Variants in SRC observed in about 807,000 individuals in gnomAD.
The protein encoded by SRC is proto-oncogene tyrosine-protein kinase Src.
A neutral mutation model predicts 62.9 loss-of-function variants in SRC; 13 were observed. The ratio of observed to expected loss-of-function variants is 0.21; its 90% CI spans 0.13 to 0.33. SRC has a LOEUF of 0.33. SRC is among the 10% of genes least tolerant of loss of function. The probability of loss-of-function intolerance (pLI) is 1.00; values close to 1 mark genes in which losing one functional copy is unlikely to be tolerated. For missense variants in SRC, 457 were observed against 737.3 expected (o/e 0.62, Z 4.40); for synonymous variants, 302 against 317.5 (o/e 0.95, Z 0.52).
chr20:37,362,695 G>A (rs576872620), intron 1 of SRC, among the ~76,000 whole-genome samples: 1 of 152,132 alleles, frequency 6.6e-6, no homozygotes, highest in Admixed American at 6.5e-5. Context: ...CCGTTACGGG[G>A]CGGCCTGGTG....
Position 37,396,071 on chromosome 20 carries a change from C to A in SRC, c.554-91C>A. The A allele has an allele frequency of 6.5e-7, 1 of 1,528,930 alleles. No homozygotes were observed. Among genetic ancestry groups the A allele is most frequent in the Non-Finnish European group, 8.8e-7 (1 of 1,136,644 alleles). The allele number at this position is 1,528,930 out of a possible 1,614,324, so 94.7% of individuals were successfully genotyped here. A position where few individuals can be genotyped will look rare whatever the true frequency, so the allele number is the denominator to read the frequency against. ...GGCCCCGCCTGGGCCTCCCTTCCCT[C>A]CAATGTCAGGCAGGCACAGAACGGT... On this transcript the variant is annotated intron_variant, in intron 7 of 13. Transcript: ENST00000373578. The surrounding 1 kb of genome is among the most constrained non-coding windows in gnomAD (Gnocchi z 6.1).
rs115118990 is a variant in SRC at position 37,405,133 on chromosome 20, T to C, written c.*1754T>C. 2.3e-3 allele frequency: 531 copies of C among 232,902 alleles called. 1 individual carries two copies. Among genetic ancestry groups the C allele is most frequent in the African/African-American group, 0.011 (496 of 45,392 alleles). The allele number at this position is 232,902 out of a possible 1,614,324, so 14.4% of individuals were successfully genotyped here. A position where few individuals can be genotyped will look rare whatever the true frequency, so the allele number is the denominator to read the frequency against. ...TCTTTATTACCCAAGTCTTCTCCCG[T>C]CCATTCCAGTCAAATCTGGGCTCAC... On this transcript the variant is annotated 3_prime_UTR_variant, in exon 14 of 14. Transcript: ENST00000373578.
At chr20:37,365,319 AACACACACACACACACACACACAC>A (rs56153701) in intron 2 of SRC, 42 bp downstream of exon 2, 6 of 130,864 alleles carry the variant, frequency 4.6e-5, no homozygotes, top group Admixed American at 7.8e-5. Context: ...AAAAGACATC[AACACACACACACACACACACACAC>A]ACACACACAC....
chr20:37,379,989 C>G (rs6018189), intron 2 of SRC, among the ~76,000 whole-genome samples: 1 of 145,206 alleles, frequency 6.9e-6, no homozygotes, highest in Admixed American at 6.9e-5. Context: ...AAGAAAAAGA[C>G]CGAGAGAGCT....
chr20:37,357,768 T>A (rs1196087083), intron 1 of SRC, among the ~76,000 whole-genome samples: 1 of 152,166 alleles, frequency 6.6e-6, no homozygotes, highest in Non-Finnish European at 1.5e-5. Flanking sequence ...AAACAGGTGG[T>A]CGAGCAAGGC....
At chr20:37,374,408 T>C (rs887327334) in intron 2 of SRC, among the ~76,000 whole-genome samples, 1 of 152,044 alleles carries the variant, frequency 6.6e-6, no homozygotes, top group Non-Finnish European at 1.5e-5. Flanking sequence ...CTTTCTTTCA[T>C]TTTATTTTCT....
intron 2 of SRC, among the ~76,000 whole-genome samples, chr20:37,376,025 G>T (rs566176401): frequency 5.3e-5 from 8 of 152,246 alleles, no homozygotes; most frequent in Admixed American, 3.3e-4. Flanking sequence ...CACCTCCCAA[G>T]GCCCACCTCC....
chr20:37,389,852 C>G (rs1023771375), intron 5 of SRC, among the ~76,000 whole-genome samples: 10 of 152,174 alleles, frequency 6.6e-5, no homozygotes, highest in African/African-American at 2.2e-4. Flanking sequence ...GGCCCTTCTT[C>G]TAGCCATGGG....
At chr20:37,365,392 T>C (rs2070047762) in intron 2 of SRC, 115 bp downstream of exon 2, 1 of 150,484 alleles carries the variant, frequency 6.6e-6, no homozygotes, top group African/African-American at 2.4e-5. Context: ...AGTAAGCCTC[T>C]CTCACACCCA....
chr20:37,384,417 C>T lies in SRC; in HGVS notation c.250+14C>T, dbSNP rs1253259295. On this transcript the variant is annotated intron_variant, in intron 4 of 13. Transcript: ENST00000373578. The surrounding 1 kb of genome is among the most constrained non-coding windows in gnomAD (Gnocchi z 6.7). ...GCCCGCTGGCCGGTCAGTGCGCGGG[C>T]GGCGCGGGGTCCTCGCCCACCTGGG... 11 of 1,351,464 alleles carry T rather than the reference C, an allele frequency of 8.1e-6. No individual in the cohort carries two copies. Among genetic ancestry groups the T allele is most frequent in the East Asian group, 3.2e-5 (1 of 31,428 alleles). 83.7% of individuals were successfully genotyped at this position (1,351,464 alleles called of 1,614,324 possible). A position where few individuals can be genotyped will look rare whatever the true frequency, so the allele number is the denominator to read the frequency against.
chr20:37,368,292 C>T (rs1319355065), intron 2 of SRC, among the ~76,000 whole-genome samples: 1 of 151,874 alleles, frequency 6.6e-6, no homozygotes, highest in Non-Finnish European at 1.5e-5. Context: ...CTGGCGGGCA[C>T]CTGTGATCCC....
intron 2 of SRC, among the ~76,000 whole-genome samples, chr20:37,368,559 G>GT (rs1479508939): frequency 1.2e-3 from 69 of 56,262 alleles, no homozygotes; most frequent in East Asian, 2.7e-3. Flanking sequence ...TTTTTTTTTT[G>GT]TTTTTTTTTT....
chr20:37,369,836 G>C (rs2146975020), intron 2 of SRC, among the ~76,000 whole-genome samples: 1 of 151,676 alleles, frequency 6.6e-6, no homozygotes. Context: ...GTCTCACTCT[G>C]TCACCCAGGC....
intron 2 of SRC, among the ~76,000 whole-genome samples, chr20:37,367,534 C>T (rs1222442751): frequency 1.3e-5 from 2 of 152,088 alleles, no homozygotes; most frequent in Non-Finnish European, 2.9e-5. Context: ...GAGACAGGGT[C>T]TCACTATGTT....
rs148684477 is a variant in SRC at position 37,389,802 on chromosome 20, G to A, written c.350+3628G>A. 3.9e-5 allele frequency among the ~76,000 whole-genome samples: 6 copies of A among 152,306 alleles called. No individual in the cohort carries two copies. In the East Asian group the frequency reaches 9.7e-4, roughly 25 times the overall value. On this transcript the variant is annotated intron_variant, in intron 5 of 13. Coordinates refer to ENST00000373578, the MANE Select transcript of SRC (RefSeq NM_198291.3). ...TCAGTTGCTTGAGGTCACACAGCTG[G>A]TGACCAGCAGTTGTGAAAAATCATG...
At chr20:37,349,700 G>T (rs11908486) in intron 1 of SRC, among the ~76,000 whole-genome samples, 39,111 of 152,092 alleles carry the variant, frequency 0.26, 5,642 homozygotes, top group African/African-American at 0.37. Flanking sequence ...GTGATCTCAT[G>T]GAGTCTGAAG....
chr20:37,402,938 T>C lies in SRC; in HGVS notation c.1402+58T>C, dbSNP rs2070763770. 1.9e-6 allele frequency: 3 copies of C among 1,567,178 alleles called. No individual in the cohort carries two copies. The highest frequency in any genetic ancestry group is 8.6e-7 in the Non-Finnish European group (1 of 1,158,440). ...CTGAATCCCTCTGCCCTGGTGGCCT[T>C]GGGCAAGTCATGACTCCTGCTGGGC... On this transcript the variant is annotated intron_variant, in intron 13 of 13. Coordinates refer to ENST00000373578, the MANE Select transcript of SRC (RefSeq NM_198291.3). This position sits in a 1 kb window ranked among gnomAD's most constrained non-coding sequence, Gnocchi z 6.2.
At position 37,384,543 on chromosome 20, in the gene SRC, C is replaced by CGGG. The variant is rs1242378998; in HGVS notation, c.250+144_250+146dup. ...AGCGCCCCTGGGTGACTTGGGTGTC[C>CGGG]GGGGGGTGGGGGGGCGGCCGTACAC... On this transcript the variant is annotated intron_variant, in intron 4 of 13. Transcript: ENST00000373578. This position sits in a 1 kb window ranked among gnomAD's most constrained non-coding sequence, Gnocchi z 6.7. The CGGG allele has an allele frequency of 0.011, 1,795 of 164,946 alleles. 40 individuals are homozygous for CGGG. Among genetic ancestry groups the CGGG allele is most frequent in the African/African-American group, 0.043 (843 of 19,632 alleles). The allele number at this position is 164,946 out of a possible 1,614,324, so 10.2% of individuals were successfully genotyped here.
intron 7 of SRC, 115 bp downstream of exon 7, chr20:37,394,392 G>C: frequency 1.2e-6 from 1 of 859,692 alleles, no homozygotes; most frequent in Non-Finnish European, 1.9e-6. Context: ...GAACCTTCCG[G>C]GTGGAGGTAA....
Sources: allele counts gnomAD v4.1 joint callset (sites outside exome capture counted in the v4.1 genomes callset), GRCh38; gene constraint gnomAD v4.1.1; non-coding constraint Gnocchi (gnomAD v3.1); transcripts MANE v1.5; gene names NCBI Gene and HGNC (gene_info 2026-07-23, HGNC 2026-07-21).